NTN4: variants seen among roughly 807,000 people sequenced by gnomAD.
The protein encoded by NTN4 is netrin 4.
Under a neutral mutation model 73.6 loss-of-function variants are expected in NTN4, and 32 were observed. The observed-to-expected ratio is 0.44, with a 90% CI of 0.33 to 0.58. NTN4 has a LOEUF of 0.58. NTN4 is among the 20% of genes least tolerant of loss of function. NTN4 has a pLI of 0.04. For synonymous variants in NTN4, 258 were observed against 287.5 expected, an observed-to-expected ratio of 0.90 and a Z score of 1.04; for missense variants, 654 against 798.3, an observed-to-expected ratio of 0.82 and a Z score of 2.18.
chr12:95,704,186 T>C (rs1397733605), intron 5 of NTN4, among the ~76,000 whole-genome samples: 1 of 152,200 alleles, frequency 6.6e-6, no homozygotes, highest in Non-Finnish European at 1.5e-5. Flanking sequence ...ATGCGGCTGG[T>C]CTGCAGACCA....
intron 5 of NTN4, among the ~76,000 whole-genome samples, chr12:95,693,908 A>G (rs574423531): frequency 2.0e-5 from 3 of 152,152 alleles, no homozygotes; most frequent in African/African-American, 7.2e-5. Context: ...ACACAAACAC[A>G]AGCACAAGAC....
At chr12:95,679,506 C>A (rs771025264) in intron 7 of NTN4, among the ~76,000 whole-genome samples, 1 of 152,198 alleles carries the variant, frequency 6.6e-6, no homozygotes, top group Non-Finnish European at 1.5e-5. Flanking sequence ...CCCATCCTAG[C>A]TTGTTTCCAA....
chr12:95,790,408 G>C lies in NTN4; in HGVS notation c.-99C>G. ...AGCGCCGCCGTCCTCGGGAGGGAAC[G>C]GGGCCCTGGTTTCTTCCTCCTCCTG... On this transcript the variant is annotated 5_prime_UTR_variant, in exon 1 of 10. Transcript: ENST00000343702. This position sits in a 1 kb window ranked among gnomAD's most constrained non-coding sequence, Gnocchi z 6.5. The C allele has an allele frequency of 3.8e-6, 4 of 1,065,984 alleles. No homozygotes were observed. The highest frequency in any genetic ancestry group is 3.9e-6 in the Non-Finnish European group (3 of 777,500). The allele number at this position is 1,065,984 out of a possible 1,614,324, so 66.0% of individuals were successfully genotyped here.
intron 2 of NTN4, among the ~76,000 whole-genome samples, chr12:95,783,492 C>T (rs1197081892): frequency 6.6e-6 from 1 of 152,138 alleles, no homozygotes; most frequent in African/African-American, 2.4e-5. Flanking sequence ...TCCATTTTAC[C>T]TTCATGTCAT....
chr12:95,681,771 T>C (rs1215774661), intron 7 of NTN4, among the ~76,000 whole-genome samples: 2 of 152,242 alleles, frequency 1.3e-5, no homozygotes, highest in Admixed American at 1.3e-4. Context: ...GGAGCCCATA[T>C]TGAGTAAACT....
In NTN4 at chr12:95,736,157, TG is replaced by T. The variant is rs762865123; in HGVS notation, c.864+1708del. Among the ~76,000 whole-genome samples, 246 of 152,214 alleles carry T rather than the reference TG, an allele frequency of 1.6e-3. 1 individual carries two copies. The highest frequency in any genetic ancestry group is 2.3e-3 in the Non-Finnish European group (154 of 68,006). Reference sequence around the variant, plus strand: ...TTTTGCTGTGTTGGCCAGGCTGGTCTGGAACTCCTGACCTCAGGTGATCCAC... The same window carrying T: ...TTTTGCTGTGTTGGCCAGGCTGGTCTGAACTCCTGACCTCAGGTGATCCAC... On this transcript the variant is annotated intron_variant, in intron 3 of 9. Coordinates refer to ENST00000343702, the MANE Select transcript of NTN4 (RefSeq NM_021229.4).
rs1007258778 is a variant in NTN4, at chr12:95,678,517, T to A, written c.1510+4190A>T. 2.6e-5 allele frequency among the ~76,000 whole-genome samples: 4 copies of A among 152,016 alleles called. No individual in the cohort carries two copies. The East Asian group carries it at 7.7e-4, about 29-fold the overall frequency. On this transcript the variant is annotated intron_variant, in intron 7 of 9. Transcript: ENST00000343702. ...CGATAAAATTAGAAATAGAAGAGAA[T>A]GACATTTACTTGATAAAGGCTACCT...
At chr12:95,760,682 T>G (rs960233186) in intron 2 of NTN4, among the ~76,000 whole-genome samples, 1 of 64,816 alleles carries the variant, frequency 1.5e-5, no homozygotes, top group African/African-American at 9.3e-5. Context: ...TGTATCATCT[T>G]TTTTTTTTTT....
At chr12:95,756,728 C>T (rs746694950) in intron 2 of NTN4, among the ~76,000 whole-genome samples, 2 of 151,952 alleles carry the variant, frequency 1.3e-5, no homozygotes, top group Non-Finnish European at 2.9e-5. Context: ...CCATCCTTCC[C>T]CACTCTTTCT....
At chr12:95,683,747 A>C (rs1214120689) in intron 5 of NTN4, 36 bp from the exon 6 acceptor site, 6 of 1,506,588 alleles carry the variant, frequency 4.0e-6, no homozygotes, top group Admixed American at 1.9e-5. Context: ...TCAAAGACTG[A>C]CTGTAGATCA....
At chr12:95,691,475 A>G (rs1041861294) in intron 5 of NTN4, among the ~76,000 whole-genome samples, 11 of 152,170 alleles carry the variant, frequency 7.2e-5, no homozygotes, top group Non-Finnish European at 1.2e-4. Flanking sequence ...GGCTGACTAC[A>G]ACCTCCGCCT....
At chr12:95,687,923 G>A (rs1238761040) in intron 5 of NTN4, among the ~76,000 whole-genome samples, 1 of 152,142 alleles carries the variant, frequency 6.6e-6, no homozygotes, top group Non-Finnish European at 1.5e-5. Flanking sequence ...TGTGGGGAAT[G>A]TGAGAAGTTT....
intron 5 of NTN4, 53 bp downstream of exon 5, chr12:95,710,388 G>T: frequency 6.9e-7 from 1 of 1,449,866 alleles, no homozygotes; most frequent in African/African-American, 1.4e-5. Context: ...GGGATAAAGA[G>T]ATTCATCTCT....
chr12:95,779,076 G>A (rs924373674), intron 2 of NTN4, among the ~76,000 whole-genome samples: 4 of 152,266 alleles, frequency 2.6e-5, no homozygotes, highest in African/African-American at 4.8e-5. Flanking sequence ...TATCTCAGTA[G>A]ATGCAGAAAA....
At chr12:95,687,453 T>C (rs2078370463) in intron 5 of NTN4, among the ~76,000 whole-genome samples, 1 of 151,962 alleles carries the variant, frequency 6.6e-6, no homozygotes, top group South Asian at 2.1e-4. Context: ...CAGGGTGTAG[T>C]GCAGTGGTGT....
At chr12:95,680,459 G>T (rs192919123) in intron 7 of NTN4, among the ~76,000 whole-genome samples, 14 of 152,346 alleles carry the variant, frequency 9.2e-5, no homozygotes, top group Non-Finnish European at 4.4e-5. Flanking sequence ...ACAGGTGGCC[G>T]ACTTGGCCTG....
chr12:95,691,466 G>C (rs902948463), intron 5 of NTN4, among the ~76,000 whole-genome samples: 1 of 152,120 alleles, frequency 6.6e-6, no homozygotes, highest in Non-Finnish European at 1.5e-5. Flanking sequence ...CGTAATCTTG[G>C]CTGACTACAA....
chr12:95,700,080 ATTTTTTTTTTTTTTTTTTTTT>A (rs56063223), intron 5 of NTN4, among the ~76,000 whole-genome samples: 2 of 41,822 alleles, frequency 4.8e-5, no homozygotes, highest in African/African-American at 1.9e-4. Flanking sequence ...TAAAGTGAGG[ATTTTTTTTTTTTTTTTTTTTT>A]TTTTTTTTTT....
chr12:95,659,258 A>G (rs1386239396), intron 9 of NTN4, 36 bp from the exon 10 acceptor site: 1 of 1,542,152 alleles, frequency 6.5e-7, no homozygotes, highest in Admixed American at 2.0e-5. Flanking sequence ...ATACAGTATC[A>G]TACTTTGTTG....
Sources: gnomAD v4.1 joint callset for allele counts (sites outside exome capture counted in the v4.1 genomes callset) on GRCh38, gnomAD v4.1.1 for gene constraint, Gnocchi (gnomAD v3.1) non-coding constraint, MANE v1.5 for transcripts, NCBI Gene and HGNC (gene_info 2026-07-23, HGNC 2026-07-21) for gene names.